The following ASTN2 variants were observed in gnomAD, a reference collection of about 807,000 sequenced individuals.
The protein encoded by ASTN2 is astrotactin 2, also known as astrotactin-2.
A neutral mutation model predicts 139.8 loss-of-function variants in ASTN2; 54 were observed. The ratio of observed to expected loss-of-function variants is 0.39; its 90% confidence interval spans 0.31 to 0.48. The LOEUF is 0.48. ASTN2 is among the 20% of genes least tolerant of loss of function. ASTN2 has a pLI of 0.95. For missense variants in ASTN2, 1,565 were observed against 1,725.1 expected (o/e 0.91, Z 1.64); for synonymous variants, 756 against 719.5 (o/e 1.05, Z -0.81).
At chr9:117,118,952 T>G (rs916685446) in intron 4 of ASTN2, among the ~76,000 whole-genome samples, 3 of 152,192 alleles carry the variant, frequency 2.0e-5, no homozygotes, top group African/African-American at 7.2e-5. Context: ...TTCATAACAT[T>G]TATTGCTTTC....
intron 13 of ASTN2, among the ~76,000 whole-genome samples, chr9:116,742,671 C>A (rs1267331432): frequency 6.6e-6 from 1 of 152,064 alleles, no homozygotes; most frequent in African/African-American, 2.4e-5. Flanking sequence ...GAAGAAGAGA[C>A]TTGAATTTGG....
intron 1 of ASTN2, among the ~76,000 whole-genome samples, chr9:117,304,593 G>A (rs1047638679): frequency 2.0e-5 from 3 of 152,168 alleles, no homozygotes; most frequent in Non-Finnish European, 4.4e-5. Context: ...GAGTGAGTGA[G>A]TATTGATTGG....
chr9:116,617,278 C>A (rs927540426), intron 19 of ASTN2, among the ~76,000 whole-genome samples: 3 of 152,024 alleles, frequency 2.0e-5, no homozygotes, highest in African/African-American at 4.8e-5. Context: ...AGGAGAGAGA[C>A]AGGTAGAAGA....
intron 19 of ASTN2, chr9:116,611,479 G>A (rs1033429045): frequency 3.3e-5 from 5 of 151,888 alleles, no homozygotes; most frequent in African/African-American, 4.8e-5. Context: ...TTGATTCTTT[G>A]AAAATACAAA....
intron 13 of ASTN2, among the ~76,000 whole-genome samples, chr9:116,781,731 A>G (rs1219386439): frequency 6.6e-6 from 1 of 152,134 alleles, no homozygotes; most frequent in Non-Finnish European, 1.5e-5. Context: ...CAGTCTGAGC[A>G]TTGGATCTAT....
chr9:117,413,460 GCC>G (rs1292410087), intron 1 of ASTN2, among the ~76,000 whole-genome samples: 1 of 152,212 alleles, frequency 6.6e-6, no homozygotes, highest in Non-Finnish European at 1.5e-5. Flanking sequence ...AAGGCCCCGC[GCC>G]CCCAAGAGGG....
At chr9:116,999,243 C>T (rs781710841) in intron 7 of ASTN2, among the ~76,000 whole-genome samples, 2 of 152,106 alleles carry the variant, frequency 1.3e-5, no homozygotes, top group Non-Finnish European at 2.9e-5. Flanking sequence ...GGAGAATATC[C>T]TAGAAATTAT....
At chr9:116,857,010 CCCAT>C (rs1212307852) in intron 11 of ASTN2, among the ~76,000 whole-genome samples, 10 of 152,282 alleles carry the variant, frequency 6.6e-5, no homozygotes, top group Non-Finnish European at 1.5e-4. Context: ...TCTATCCTTT[CCCAT>C]TATTTTTCTC....
rs1002472177 is a variant in ASTN2, at chr9:117,414,378, C to T, written c.442+119G>A. The stretch of plus-strand genomic sequence containing the variant: ...GACCTCTGGGCCCCTCCTCTACCCT[C>T]TGCCAACCCCACTCGGGGCAGCCCC... On this transcript the variant is annotated intron_variant, in intron 1 of 22. Transcript: ENST00000313400. The surrounding 1 kb of genome is among the most constrained non-coding windows in gnomAD (Gnocchi z 4.2). The T allele has an allele frequency of 2.7e-6, 4 of 1,484,604 alleles. No homozygotes were observed. The highest frequency in any genetic ancestry group is 2.2e-5 in the Admixed American group (1 of 46,434). The allele number at this position is 1,484,604 out of a possible 1,614,324, so 92.0% of individuals were successfully genotyped here.
At chr9:117,052,931 G>A (rs1325294024) in intron 5 of ASTN2, among the ~76,000 whole-genome samples, 1 of 152,210 alleles carries the variant, frequency 6.6e-6, no homozygotes, top group South Asian at 2.1e-4. Context: ...GATTGGACTG[G>A]ATATCATGCC....
At chr9:117,248,365 G>C (rs1833443722) in intron 2 of ASTN2, among the ~76,000 whole-genome samples, 1 of 152,210 alleles carries the variant, frequency 6.6e-6, no homozygotes. Context: ...AAAAAGAGGA[G>C]TGACAGCTCC....
intron 13 of ASTN2, among the ~76,000 whole-genome samples, chr9:116,738,769 C>G (rs1588253733): frequency 6.6e-6 from 1 of 152,256 alleles, no homozygotes; most frequent in East Asian, 1.9e-4. Context: ...TGGCAGTGGC[C>G]AAGACCGCAT....
intron 2 of ASTN2, among the ~76,000 whole-genome samples, chr9:117,228,010 G>A (rs1220740778): frequency 1.3e-5 from 2 of 152,104 alleles, no homozygotes; most frequent in African/African-American, 4.8e-5. Context: ...AAAAACACTG[G>A]ATTTGGGTTC....
chr9:116,804,734 A>G (rs1830984816), intron 13 of ASTN2, among the ~76,000 whole-genome samples: 1 of 152,172 alleles, frequency 6.6e-6, no homozygotes, highest in South Asian at 2.1e-4. Context: ...ACTTATTACT[A>G]GTTCTGACTT....
intron 17 of ASTN2, among the ~76,000 whole-genome samples, chr9:116,630,846 C>T: frequency 6.6e-6 from 1 of 151,502 alleles, no homozygotes; most frequent in East Asian, 2.0e-4. Context: ...TATATAATAG[C>T]AAAAAAATCC....
intron 10 of ASTN2, among the ~76,000 whole-genome samples, chr9:116,886,216 C>A (rs913482099): frequency 8.5e-5 from 13 of 152,340 alleles, no homozygotes; most frequent in African/African-American, 2.6e-4. Context: ...TCATTTTAGA[C>A]AAGGCCACTA....
chr9:116,837,060 T>C (rs979477118), intron 11 of ASTN2, among the ~76,000 whole-genome samples: 6 of 152,150 alleles, frequency 3.9e-5, no homozygotes, highest in African/African-American at 1.2e-4. Context: ...AGGAGGGTTG[T>C]TGGCAGAGGA....
intron 19 of ASTN2, among the ~76,000 whole-genome samples, chr9:116,588,057 A>G (rs1477237483): frequency 6.6e-6 from 1 of 152,188 alleles, no homozygotes; most frequent in Admixed American, 6.5e-5. Flanking sequence ...CTAGGTCTAC[A>G]GTGTTACTAC....
rs1174948684 is a variant in ASTN2, at chr9:117,110,935, A to C, written c.1169-14784T>G. On this transcript the variant is annotated intron_variant, in intron 4 of 22. Transcript: ENST00000313400. ...AGAGACTCAGAGAAGGGGAGCCCAC[A>C]ATCTGTGTATAATCTCTGCCCATAT... Among the ~76,000 whole-genome samples the C allele has an allele frequency of 3.9e-5, 6 of 152,304 alleles. No homozygotes were observed. The East Asian group carries it at 1.2e-3, about 29-fold the overall frequency.
Sources: gnomAD v4.1 joint callset for allele counts (sites outside exome capture counted in the v4.1 genomes callset) on GRCh38, gnomAD v4.1.1 for gene constraint, Gnocchi (gnomAD v3.1) non-coding constraint, MANE v1.5 for transcripts, NCBI Gene and HGNC (gene_info 2026-07-23, HGNC 2026-07-21) for gene names.